Variants in ZNF343 observed in about 807,000 individuals in gnomAD.
ZNF343 encodes the protein zinc finger protein 343.
A neutral mutation model predicts 13.8 loss-of-function variants in ZNF343; 11 were observed. That is an observed-to-expected ratio of 0.80 (90% CI 0.50 to 1.32). The LOEUF (loss-of-function observed/expected upper bound fraction) is 1.32. Ranked by LOEUF, ZNF343 falls within the 40% of genes most tolerant of loss-of-function variation. The pLI, the probability that ZNF343 is intolerant of heterozygous loss-of-function variation, is 0.00. For missense variants in ZNF343, 658 were observed against 714.2 expected, an observed-to-expected ratio of 0.92 and a Z score of 0.90; for synonymous variants, 248 against 260.0, an observed-to-expected ratio of 0.95 and a Z score of 0.44.
intron 5 of ZNF343, 99 bp downstream of exon 5, chr20:2,492,600 A>G: frequency 7.0e-7 from 1 of 1,436,720 alleles, no homozygotes; most frequent in South Asian, 1.3e-5. Flanking sequence ...TTGTTTACTA[A>G]TGTGTTGTAA....
Position 2,482,823 on chromosome 20 carries a change from A to C in ZNF343, c.*338T>G. The C allele has an allele frequency of 3.6e-6, 1 of 274,126 alleles. No individual in the cohort carries two copies. Among genetic ancestry groups the C allele is most frequent in the Non-Finnish European group, 6.9e-6 (1 of 144,900 alleles). 17.0% of individuals were successfully genotyped at this position (274,126 alleles called of 1,614,324 possible). A position where few individuals can be genotyped will look rare whatever the true frequency, so the allele number is the denominator to read the frequency against. On this transcript the variant is annotated 3_prime_UTR_variant, in exon 6 of 6. Transcript: ENST00000278772. ...GATGCTCCCCAACACTCCCCAGACA[A>C]GGGTGCTTTCCCCTGAGGCTGTCAT...
intron 1 of ZNF343, among the ~76,000 whole-genome samples, chr20:2,520,734 T>G (rs1009942130): frequency 7.2e-5 from 11 of 152,182 alleles, no homozygotes; most frequent in African/African-American, 2.7e-4. Flanking sequence ...TGTAAAGCAC[T>G]TGTGAACATG....
At chr20:2,508,982 T>A (rs1271165561), upstream of ZNF343, 1 of 152,302 alleles carries the variant, frequency 6.6e-6, no homozygotes, top group African/African-American at 2.4e-5. The surrounding 1 kb of genome is among the most constrained non-coding windows in gnomAD (Gnocchi z 4.5). Flanking sequence ...ACAGAGCCAC[T>A]TCTGGGCCGT....
chr20:2,505,473 A>C (rs913451512), intron 1 of ZNF343, among the ~76,000 whole-genome samples: 2 of 151,940 alleles, frequency 1.3e-5, no homozygotes, highest in Non-Finnish European at 2.9e-5. Flanking sequence ...GGAACCAAAA[A>C]ACAGCCCTAA....
At chr20:2,522,234 A>G (rs763553718) in intron 1 of ZNF343, among the ~76,000 whole-genome samples, 1 of 152,200 alleles carries the variant, frequency 6.6e-6, no homozygotes, top group Non-Finnish European at 1.5e-5. Context: ...CCACATAACA[A>G]GTTAGGTTAA....
chr20:2,513,243 A>G (rs1238781400), upstream of ZNF343, among the ~76,000 whole-genome samples: 1 of 152,256 alleles, frequency 6.6e-6, no homozygotes, highest in Non-Finnish European at 1.5e-5. Flanking sequence ...AGAATATATT[A>G]AGATTTCTAT....
chr20:2,495,061 C>T (rs1343105432), intron 2 of ZNF343, among the ~76,000 whole-genome samples: 2 of 152,230 alleles, frequency 1.3e-5, no homozygotes, highest in Non-Finnish European at 2.9e-5. Flanking sequence ...AGGATTTCAG[C>T]CCAAATGGCT....
At chr20:2,486,502 G>A (rs1395586438) in intron 5 of ZNF343, 1 of 152,208 alleles carries the variant, frequency 6.6e-6, no homozygotes, top group East Asian at 1.9e-4. Context: ...AAGGCCGGGT[G>A]CAGTGGCTCA....
At position 2,484,505 on chromosome 20, in the gene ZNF343, T is replaced by A; in HGVS notation, c.456A>T (p.Lys152Asn). The A allele has an allele frequency of 6.2e-7, 1 of 1,614,216 alleles. No individual in the cohort carries two copies. The highest frequency in any genetic ancestry group is 8.5e-7 in the Non-Finnish European group (1 of 1,180,042). ...HPGNSSPGHW[K>N]QQGQQYSHVS... ...CATGGGAATACTGCTGCCCCTGCTG[T>A]TTCCAATGCCCTGGGCTAGAATTCC... The change falls in exon 6 of 6, where the codon AAA becomes AAT. Residue 152 changes from lysine to asparagine, a missense_variant. Coordinates refer to ENST00000278772, the MANE Select transcript of ZNF343 (RefSeq NM_024325.6).
intron 2 of ZNF343, among the ~76,000 whole-genome samples, chr20:2,495,001 AGGT>A (rs1453770108): frequency 1.3e-5 from 2 of 152,206 alleles, no homozygotes; most frequent in African/African-American, 2.4e-5. Context: ...CAAAGAAGGC[AGGT>A]GGTATTAGGA....
intron 5 of ZNF343, among the ~76,000 whole-genome samples, chr20:2,490,508 T>C (rs2085349426): frequency 6.6e-6 from 1 of 152,004 alleles, no homozygotes; most frequent in South Asian, 2.1e-4. Flanking sequence ...TTTGTTTGTT[T>C]GTTTGCTGTT....
At chr20:2,507,909 G>A (rs539341488) in intron 1 of ZNF343, among the ~76,000 whole-genome samples, 21 of 152,216 alleles carry the variant, frequency 1.4e-4, no homozygotes, top group Admixed American at 2.6e-4. Flanking sequence ...ACTAGAAGCC[G>A]TCAGAGTTCC....
At chr20:2,500,465 C>G (rs2085541939) in intron 2 of ZNF343, among the ~76,000 whole-genome samples, 191 bp downstream of exon 2, 1 of 152,156 alleles carries the variant, frequency 6.6e-6, no homozygotes, top group Admixed American at 6.5e-5. Context: ...ATGAGAGTAC[C>G]AGTCTGGGGT....
At chr20:2,501,023 C>T (rs1393101039) in intron 1 of ZNF343, among the ~76,000 whole-genome samples, 4 of 152,046 alleles carry the variant, frequency 2.6e-5, no homozygotes, top group Non-Finnish European at 5.9e-5. Flanking sequence ...CTGCCTCACC[C>T]GGGAAGTGCA....
chr20:2,497,890 T>TG (rs1166168036), intron 2 of ZNF343, among the ~76,000 whole-genome samples: 3 of 146,006 alleles, frequency 2.1e-5, no homozygotes, highest in Non-Finnish European at 4.6e-5. Context: ...CTCCTTCATA[T>TG]GGCTCCTCCA....
rs905711956 is a variant in ZNF343, at chr20:2,483,269, G to T, written c.1692C>A (p.Leu564=). The change falls in exon 6 of 6, where the codon CTC becomes CTA. Residue 564 remains leucine, a synonymous_variant. Coordinates refer to ENST00000278772, the MANE Select transcript of ZNF343 (RefSeq NM_024325.6). ...CGRGFSRKSL[L]LVHQRTHSGE... is the part of the protein sequence containing the mutation. The stretch of plus-strand genomic sequence containing the variant: ...CTGAGTGTGTCCTCTGGTGGACAAG[G>T]AGGAGTGATTTCCGGCTAAAGCCTC... 5.6e-6 allele frequency: 9 copies of T among 1,612,006 alleles called. No homozygotes were observed. The highest frequency in any genetic ancestry group is 7.6e-6 in the Non-Finnish European group (9 of 1,179,468).
chr20:2,484,229 T>C lies in ZNF343; in HGVS notation c.732A>G (p.Arg244=), dbSNP rs373546923. Residue 244 remains arginine, a synonymous_variant, in exon 6 of 6, where the codon AGA becomes AGG. Coordinates refer to ENST00000278772, the MANE Select transcript of ZNF343 (RefSeq NM_024325.6). ...ETLRFGAINC[R]EYEPDHNLES... is the part of the protein sequence containing the mutation. The stretch of plus-strand genomic sequence containing the variant: ...CCAGGTTATGGTCCGGTTCATACTC[T>C]CTACAGTTGATTGCTCCAAATCTCA... 154 of 1,614,112 alleles carry C rather than the reference T, an allele frequency of 9.5e-5. No homozygotes were observed. Among genetic ancestry groups the C allele is most frequent in the Non-Finnish European group, 1.3e-4 (149 of 1,180,050 alleles).
At chr20:2,514,995 A>G (rs58458543) in intron 1 of ZNF343, among the ~76,000 whole-genome samples, 22,217 of 143,756 alleles carry the variant, frequency 0.15, 1,776 homozygotes, top group East Asian at 0.24. Context: ...AGAGCGAGAC[A>G]TTGTATCAAA....
chr20:2,520,327 A>G (rs2085777010), intron 1 of ZNF343, among the ~76,000 whole-genome samples: 1 of 152,128 alleles, frequency 6.6e-6, no homozygotes, highest in Non-Finnish European at 1.5e-5. Flanking sequence ...GACTTCCTTT[A>G]TATCACCTAA....
Sources: gnomAD v4.1 joint callset for allele counts (sites outside exome capture counted in the v4.1 genomes callset) on GRCh38, gnomAD v4.1.1 for gene constraint, Gnocchi (gnomAD v3.1) non-coding constraint, MANE v1.5 for transcripts, NCBI Gene and HGNC (gene_info 2026-07-23, HGNC 2026-07-21) for gene names.